The following ZC3H13 variants were observed in gnomAD, a reference collection of about 807,000 sequenced individuals.
ZC3H13 encodes the protein zinc finger CCCH domain-containing protein 13.
In ZC3H13, 64 loss-of-function variants were observed where a neutral mutation model predicts 204.1. The ratio of observed to expected loss-of-function variants is 0.31; its 90% CI spans 0.26 to 0.39. The LOEUF (loss-of-function observed/expected upper bound fraction) is 0.39, where lower values mean the gene tolerates loss of function less well. Ranked by LOEUF, ZC3H13 falls within the 10% of genes least tolerant of loss-of-function variation. The pLI is 1.00. For synonymous variants in ZC3H13, 667 were observed against 693.7 expected (o/e 0.96, Z 0.60); for missense variants, 1,833 against 2,082.7 (o/e 0.88, Z 2.33).
In ZC3H13 at chr13:45,958,648, GTTTTT is replaced by G. The variant is rs10539884; in HGVS notation, c.4839+830_4839+834del. 1.1e-3 allele frequency among the ~76,000 whole-genome samples: 137 copies of G among 123,662 alleles called. 8 individuals are homozygous for G. The highest frequency in any genetic ancestry group is 1.2e-3 in the Admixed American group (13 of 11,226). The allele number at this position is 123,662 out of a possible 152,430, so 81.1% of individuals were successfully genotyped here. A position where few individuals can be genotyped will look rare whatever the true frequency, so the allele number is the denominator to read the frequency against. ...CTCACCACCCCAAATAAAAATCCCA[GTTTTT>G]TTTTTTTTTTTTTTTTTTTTGAGAT... On this transcript the variant is annotated intron_variant, in intron 18 of 18. Transcript: ENST00000679008.
chr13:45,957,066 GC>G lies in ZC3H13; in HGVS notation c.*60del, dbSNP rs1433500212. 2 of 1,281,410 alleles carry G rather than the reference GC, an allele frequency of 1.6e-6. No homozygotes were observed. Among genetic ancestry groups the G allele is most frequent in the Admixed American group, 7.3e-5 (2 of 27,532 alleles). 79.4% of individuals were successfully genotyped at this position (1,281,410 alleles called of 1,614,324 possible). ...AATGCTTGTCAAACCAAAGAACTTT[GC>G]AAAAGAATATGCACTGCTGAAGGAA... On this transcript the variant is annotated 3_prime_UTR_variant, in exon 19 of 19. Transcript: ENST00000679008.
chr13:46,052,711 G>A lies in ZC3H13; in HGVS notation c.-317C>T. The A allele has an allele frequency of 2.5e-6, 1 of 398,462 alleles. No individual in the cohort carries two copies. Among genetic ancestry groups the A allele is most frequent in the Non-Finnish European group, 4.4e-6 (1 of 226,016 alleles). The allele number at this position is 398,462 out of a possible 1,614,324, so 24.7% of individuals were successfully genotyped here. A position where few individuals can be genotyped will look rare whatever the true frequency, so the allele number is the denominator to read the frequency against. On this transcript the variant is annotated 5_prime_UTR_variant, in exon 1 of 19. Transcript: ENST00000679008. ...CAAAAACACTACCAGGCCGCTAGGA[G>A]GACCGCCTCAAAATGCCGCCGGAAG...
At chr13:46,023,136 T>C (rs575177749) in intron 4 of ZC3H13, among the ~76,000 whole-genome samples, 73 of 152,248 alleles carry the variant, frequency 4.8e-4, no homozygotes, top group Middle Eastern at 3.4e-3. Context: ...AACTAGAGTA[T>C]AAAAATGGTT....
intron 5 of ZC3H13, among the ~76,000 whole-genome samples, chr13:46,019,783 CT>C (rs765107797): frequency 1.3e-5 from 2 of 152,172 alleles, no homozygotes; most frequent in South Asian, 4.1e-4. Flanking sequence ...TGGGGTCTTA[CT>C]TTGTTGCCCA....
At position 46,052,511 on chromosome 13, in the gene ZC3H13, G is replaced by A. The variant is rs900869849; in HGVS notation, c.-117C>T. ...TCCCCGCGCCTGGACCCAGGAGGAC[G>A]ACGACGAGGAGAAAGCGATGCGCGC... On this transcript the variant is annotated 5_prime_UTR_variant, in exon 1 of 19. Transcript: ENST00000679008. The A allele has an allele frequency of 1.3e-5, 5 of 398,524 alleles. No individual in the cohort carries two copies. The highest frequency in any genetic ancestry group is 2.1e-5 in the African/African-American group (1 of 48,620). The allele number at this position is 398,524 out of a possible 1,614,324, so 24.7% of individuals were successfully genotyped here. A position where few individuals can be genotyped will look rare whatever the true frequency, so the allele number is the denominator to read the frequency against.
chr13:45,976,954 T>C (rs1953103649), intron 11 of ZC3H13, among the ~76,000 whole-genome samples: 1 of 152,196 alleles, frequency 6.6e-6, no homozygotes, highest in African/African-American at 2.4e-5. Context: ...AATCACTGAT[T>C]GAAAAGACAA....
intron 11 of ZC3H13, among the ~76,000 whole-genome samples, chr13:45,979,207 A>C (rs577889236): frequency 2.9e-4 from 44 of 152,296 alleles, no homozygotes; most frequent in Admixed American, 1.1e-3. Context: ...ACCCTTCTTA[A>C]GTGCTTCCTA....
chr13:45,976,938 C>T (rs1272184760), intron 11 of ZC3H13, among the ~76,000 whole-genome samples: 1 of 152,122 alleles, frequency 6.6e-6, no homozygotes, highest in Non-Finnish European at 1.5e-5. Flanking sequence ...CTGGATTTCC[C>T]TTCCTAATCA....
rs766144488 is a variant in ZC3H13, at chr13:45,969,739, C to T, written c.2805G>A (p.Gln935=). The T allele has an allele frequency of 2.5e-6, 4 of 1,613,712 alleles. No homozygotes were observed. The highest frequency in any genetic ancestry group is 3.4e-6 in the Non-Finnish European group (4 of 1,180,030). The stretch of plus-strand genomic sequence containing the variant: ...CAGACTGGTGGTGTCCTATAATGTC[C>T]TGTGCACGCATTCTTGAGCTTTCCA... ...EILESSRMRA[Q]DIIGHHQSED... is the part of the protein sequence containing the mutation. Residue 935 remains glutamine (Q), a synonymous_variant, in exon 14 of 19, where the codon CAG becomes CAA. Coordinates refer to ENST00000679008, the MANE Select transcript of ZC3H13 (RefSeq NM_001330564.2).
intron 6 of ZC3H13, among the ~76,000 whole-genome samples, chr13:46,010,846 G>C (rs2041507790): frequency 6.6e-6 from 1 of 151,730 alleles, no homozygotes; most frequent in African/African-American, 2.4e-5. Context: ...GAGTGCCACT[G>C]CACTCCAGCC....
chr13:45,969,220 A>C lies in ZC3H13; in HGVS notation c.3324T>G (p.Ala1108=). The change falls in exon 14 of 19, where the codon GCT becomes GCG. Residue 1108 remains alanine, a synonymous_variant. Transcript: ENST00000679008. ...CAGGCACAGTTGTAGCAGTGGCAGT[A>C]GCCACAGGCGGTGGAGGAGGAAGAA... ...SSLLPPPPPV[A]TATATTVPAT... 1 of 1,614,084 alleles carries C rather than the reference A, an allele frequency of 6.2e-7. No individual in the cohort carries two copies. Among genetic ancestry groups the C allele is most frequent in the Non-Finnish European group, 8.5e-7 (1 of 1,179,978 alleles).
At chr13:46,031,234 AT>A (rs1244255901) in intron 4 of ZC3H13, among the ~76,000 whole-genome samples, 5 of 152,198 alleles carry the variant, frequency 3.3e-5, no homozygotes, top group South Asian at 4.1e-4. Flanking sequence ...TGCAAAAAAA[AT>A]AAATAAATAA....
chr13:46,045,809 T>C (rs1485433141), intron 1 of ZC3H13, among the ~76,000 whole-genome samples: 1 of 152,224 alleles, frequency 6.6e-6, no homozygotes, highest in Non-Finnish European at 1.5e-5. Context: ...GTTTTCATAG[T>C]ACAATCAACC....
intron 10 of ZC3H13, among the ~76,000 whole-genome samples, chr13:45,980,874 C>T (rs1355973393): frequency 2.0e-5 from 3 of 152,252 alleles, no homozygotes; most frequent in East Asian, 3.9e-4. Flanking sequence ...AAGCTACATA[C>T]AGACATACAC....
At chr13:45,968,644 G>A (rs937686134) in intron 14 of ZC3H13, 104 bp downstream of exon 14, 1 of 1,421,928 alleles carries the variant, frequency 7.0e-7, no homozygotes, top group Admixed American at 2.7e-5. Flanking sequence ...TAAAATTTAA[G>A]GCAGCATGTA....
intron 15 of ZC3H13, 96 bp downstream of exon 15, chr13:45,967,408 C>A: frequency 1.4e-6 from 2 of 1,381,140 alleles, no homozygotes; most frequent in East Asian, 2.4e-5. Context: ...AGTCAATTTG[C>A]CCATTAGTGG....
In ZC3H13 at chr13:46,031,515, G is replaced by A. The variant is rs538181504; in HGVS notation, c.339+10649C>T. Among the ~76,000 whole-genome samples, 458 of 151,976 alleles carry A rather than the reference G, an allele frequency of 3.0e-3. 1 individual carries two copies. Among genetic ancestry groups the A allele is most frequent in the Middle Eastern group, 0.014 (4 of 294 alleles). On this transcript the variant is annotated intron_variant, in intron 4 of 18. Transcript: ENST00000679008. ...AATAATAAGACAAGCCATAGACTGGGAAAAATAAGCTCAGAAGACATATGC... is the reference window on the plus strand; with the variant it reads ...AATAATAAGACAAGCCATAGACTGGAAAAAATAAGCTCAGAAGACATATGC...
intron 8 of ZC3H13, among the ~76,000 whole-genome samples, chr13:46,002,854 GA>G (rs1354825785): frequency 1.3e-5 from 2 of 152,016 alleles, no homozygotes; most frequent in Non-Finnish European, 2.9e-5. Flanking sequence ...TCACAAGTGT[GA>G]AAATACTTAA....
chr13:46,024,471 T>G (rs754920512), intron 4 of ZC3H13, among the ~76,000 whole-genome samples: 3 of 152,192 alleles, frequency 2.0e-5, no homozygotes, highest in Non-Finnish European at 4.4e-5. Context: ...TTTATCTCAG[T>G]ACTTTGAAAA....
Sources: allele counts gnomAD v4.1 joint callset (sites outside exome capture counted in the v4.1 genomes callset), GRCh38; gene constraint gnomAD v4.1.1; transcripts MANE v1.5; gene names NCBI Gene and HGNC (gene_info 2026-07-23, HGNC 2026-07-21).